LPIN1: variants seen among roughly 807,000 people sequenced by gnomAD.
LPIN1 encodes lipin 1.
LPIN1 carries 71 observed loss-of-function variants against 107.5 expected under a neutral mutation model. That is an observed-to-expected ratio of 0.66 (90% CI 0.55 to 0.80). The LOEUF is 0.80. LPIN1 is among the 30% of genes least tolerant of loss of function. The probability of loss-of-function intolerance (pLI) is 0.00; values close to 1 mark genes in which losing one functional copy is unlikely to be tolerated. For missense variants in LPIN1, 1,043 were observed against 1,160.6 expected (o/e 0.90, Z 1.47); for synonymous variants, 445 against 452.6 (o/e 0.98, Z 0.21).
intron 1 of LPIN1, among the ~76,000 whole-genome samples, chr2:11,730,061 C>T (rs1048088703): frequency 6.6e-6 from 1 of 151,942 alleles, no homozygotes; most frequent in Admixed American, 6.6e-5. Context: ...ATTATTTATT[C>T]CACCCTACTC....
intron 17 of LPIN1, chr2:11,805,598 A>G: frequency 3.2e-6 from 1 of 308,350 alleles, no homozygotes; most frequent in South Asian, 3.0e-5. Flanking sequence ...AGGGCACATC[A>G]TGTCTACCTG....
intron 1 of LPIN1, among the ~76,000 whole-genome samples, chr2:11,686,836 G>A (rs117357125): frequency 6.6e-6 from 1 of 152,110 alleles, no homozygotes; most frequent in East Asian, 1.9e-4. Context: ...GGTAAGTAGA[G>A]CCCAGGCACT....
chr2:11,719,212 T>G (rs189380005), intron 2 of LPIN1, among the ~76,000 whole-genome samples: 30 of 152,374 alleles, frequency 2.0e-4, no homozygotes, highest in Admixed American at 1.0e-3. Context: ...ATTCTGGAAT[T>G]GTTTCCCCTG....
chr2:11,791,220 G>GTGTCAGCTTC (rs1200694653), intron 12 of LPIN1, among the ~76,000 whole-genome samples: 1 of 152,166 alleles, frequency 6.6e-6, no homozygotes, highest in Non-Finnish European at 1.5e-5. Context: ...ACTAGCTGAG[G>GTGTCAGCTTC]TGTCAGCTTC....
chr2:11,760,305 C>G (rs918178928), intron 1 of LPIN1, among the ~76,000 whole-genome samples: 10 of 152,232 alleles, frequency 6.6e-5, no homozygotes, highest in Non-Finnish European at 1.3e-4. Flanking sequence ...GCTGCAATCT[C>G]GGCACTTTGG....
chr2:11,745,986 G>A (rs955272600), upstream of LPIN1: 1 of 152,362 alleles, frequency 6.6e-6, no homozygotes. Context: ...TTGTTTATCC[G>A]CTGCCTGCCT....
At chr2:11,796,228 T>A (rs933969996) in intron 14 of LPIN1, among the ~76,000 whole-genome samples, 44 of 152,212 alleles carry the variant, frequency 2.9e-4, no homozygotes, top group African/African-American at 1.1e-3. Flanking sequence ...CAGATCCACA[T>A]CTTACTCATT....
chr2:11,806,011 A>G (rs139986663), intron 17 of LPIN1, among the ~76,000 whole-genome samples: 82 of 152,210 alleles, frequency 5.4e-4, no homozygotes, highest in African/African-American at 1.9e-3. Flanking sequence ...CCCCCTCCAC[A>G]GCATTCTGTT....
intron 17 of LPIN1, among the ~76,000 whole-genome samples, chr2:11,806,826 A>G (rs1678771870): frequency 6.6e-6 from 1 of 152,242 alleles, no homozygotes; most frequent in African/African-American, 2.4e-5. Context: ...ACTACTATGA[A>G]CAGTTTGGTT....
rs1281778007 is a variant in LPIN1, at chr2:11,826,966, G to GT, written c.*2176dup. Reference sequence around the variant, plus strand: ...AACACCTGCCTTCTGGCTTCTGAAAGTGAGATTTGTATATGGGCTGCACTC... The same window carrying GT: ...AACACCTGCCTTCTGGCTTCTGAAAGTTGAGATTTGTATATGGGCTGCACTC... On this transcript the variant is annotated 3_prime_UTR_variant, in exon 21 of 21. Coordinates refer to ENST00000674199, the MANE Select transcript of LPIN1 (RefSeq NM_001349206.2). 2 of 152,666 alleles carry GT rather than the reference G, an allele frequency of 1.3e-5. No homozygotes were observed. The highest frequency in any genetic ancestry group is 6.5e-5 in the Admixed American group (1 of 15,290). 9.5% of individuals were successfully genotyped at this position (152,666 alleles called of 1,614,324 possible). A position where few individuals can be genotyped will look rare whatever the true frequency, so the allele number is the denominator to read the frequency against.
At chr2:11,814,720 G>A (rs757953448) in intron 17 of LPIN1, among the ~76,000 whole-genome samples, 11 of 152,098 alleles carry the variant, frequency 7.2e-5, no homozygotes, top group Non-Finnish European at 1.5e-4. Flanking sequence ...TGGTCTTGTC[G>A]CAGGGGCTCT....
At chr2:11,717,415 AT>A (rs1254355634) in intron 2 of LPIN1, among the ~76,000 whole-genome samples, 9 of 151,998 alleles carry the variant, frequency 5.9e-5, no homozygotes, top group African/African-American at 2.2e-4. Context: ...GGGGAGAGAT[AT>A]GGGGGGTGTT....
chr2:11,787,029 ATTTTCTTTTTGTTT>A (rs1339603779), intron 10 of LPIN1, 31 bp from the exon 11 acceptor site: 2 of 1,396,356 alleles, frequency 1.4e-6, no homozygotes. Flanking sequence ...TTTGAACTGA[ATTTTCTTTTTGTTT>A]TTCCCTGATC....
At chr2:11,726,481 C>A (rs1430138037) in intron 1 of LPIN1, among the ~76,000 whole-genome samples, 1 of 152,116 alleles carries the variant, frequency 6.6e-6, no homozygotes, top group Non-Finnish European at 1.5e-5. Flanking sequence ...CCCCGCCCCC[C>A]ATCTCTTCTC....
chr2:11,815,656 C>T lies in LPIN1; in HGVS notation c.2402+416C>T, dbSNP rs568951277. On this transcript the variant is annotated intron_variant, in intron 18 of 20. Transcript: ENST00000674199. ...TTAATGTCCGTTGGACAATGAGCCT[C>T]TATCTCATCTCCTTAGGGATCCTTA... Among the ~76,000 whole-genome samples, 26 of 152,224 alleles carry T rather than the reference C, an allele frequency of 1.7e-4. No individual in the cohort carries two copies. The South Asian group carries it at 4.6e-3, about 27-fold the overall frequency.
At chr2:11,822,981 G>T (rs1410853489) in intron 20 of LPIN1, 1 of 152,240 alleles carries the variant, frequency 6.6e-6, no homozygotes, top group Non-Finnish European at 1.5e-5. Flanking sequence ...TGGAGGCGGG[G>T]TTGTTCCTGT....
upstream of LPIN1, among the ~76,000 whole-genome samples, chr2:11,744,109 T>C (rs1264261021): frequency 6.6e-6 from 1 of 152,264 alleles, no homozygotes; most frequent in Admixed American, 6.5e-5. Flanking sequence ...AGAATCAGGA[T>C]GCTTGTGCTG....
intron 1 of LPIN1, among the ~76,000 whole-genome samples, chr2:11,700,615 GC>G (rs1662822952): frequency 1.3e-5 from 2 of 152,142 alleles, no homozygotes; most frequent in South Asian, 4.1e-4. Context: ...AAGGGTGAGG[GC>G]CTTGGGGCTG....
rs188848338 is a variant in LPIN1 at position 11,823,821 on chromosome 2, G to C, written c.2622-811G>C. ...GGCATGCAAATAAAAGAGAGCAAGA[G>C]AACGTTGTAGGAAGCATTGGGAAGC... On this transcript the variant is annotated intron_variant, in intron 20 of 20. Coordinates refer to ENST00000674199, the MANE Select transcript of LPIN1 (RefSeq NM_001349206.2). Among the ~76,000 whole-genome samples the C allele has an allele frequency of 3.3e-5, 5 of 152,290 alleles. No homozygotes were observed. The East Asian group carries it at 9.7e-4, about 29-fold the overall frequency.
Sources: allele counts gnomAD v4.1 joint callset (sites outside exome capture counted in the v4.1 genomes callset), GRCh38; gene constraint gnomAD v4.1.1; transcripts MANE v1.5; gene names NCBI Gene and HGNC (gene_info 2026-07-23, HGNC 2026-07-21).